The following DHX9 variants were observed in gnomAD, a reference collection of about 807,000 sequenced individuals.
DHX9 encodes the protein ATP-dependent RNA helicase A.
In DHX9, 27 loss-of-function variants were observed where a neutral mutation model predicts 148.7. The ratio of observed to expected loss-of-function variants is 0.18; its 90% CI spans 0.13 to 0.25. The LOEUF (loss-of-function observed/expected upper bound fraction) is 0.25, where lower values mean the gene tolerates loss of function less well. DHX9 is among the 10% of genes least tolerant of loss of function. DHX9 has a pLI of 1.00. For synonymous variants in DHX9, 529 were observed against 516.6 expected, an observed-to-expected ratio of 1.02 and a Z score of -0.33; for missense variants, 796 against 1,559.6, an observed-to-expected ratio of 0.51 and a Z score of 8.25.
intron 1 of DHX9, among the ~76,000 whole-genome samples, chr1:182,841,914 C>G (rs990213240): frequency 2.0e-5 from 3 of 152,138 alleles, no homozygotes; most frequent in Admixed American, 6.5e-5. Flanking sequence ...AGGTTACCGT[C>G]TTCAGTACTG....
intron 12 of DHX9, among the ~76,000 whole-genome samples, chr1:182,864,199 G>A (rs1032560502): frequency 6.6e-6 from 1 of 152,160 alleles, no homozygotes; most frequent in African/African-American, 2.4e-5. Flanking sequence ...CAACCCGCCA[G>A]CCTCAGACTC....
chr1:182,875,984 A>G, intron 16 of DHX9, 66 bp from the exon 17 acceptor site: 4 of 1,260,508 alleles, frequency 3.2e-6, no homozygotes, highest in Non-Finnish European at 4.6e-6. Context: ...CACTAGAAGA[A>G]ATCTAGAAGA....
At position 182,885,520 on chromosome 1, in the gene DHX9, C is replaced by A. The variant is rs566460746; in HGVS notation, c.3461+707C>A. On this transcript the variant is annotated intron_variant, in intron 27 of 27. Transcript: ENST00000367549. Reference sequence around the variant, plus strand: ...GAACATGGCCACAATACCACAATCACACCCCAAAACCTTAAGTGTTTTAGT... The same window carrying A: ...GAACATGGCCACAATACCACAATCAAACCCCAAAACCTTAAGTGTTTTAGT... 7.9e-5 allele frequency among the ~76,000 whole-genome samples: 12 copies of A among 152,328 alleles called. No individual in the cohort carries two copies. The South Asian group carries it at 2.5e-3, about 32-fold the overall frequency.
At chr1:182,840,527 C>T (rs1343841919) in intron 1 of DHX9, among the ~76,000 whole-genome samples, 1 of 151,960 alleles carries the variant, frequency 6.6e-6, no homozygotes, top group Non-Finnish European at 1.5e-5. Flanking sequence ...CTCGATCTCT[C>T]GACCTCGTGA....
intron 14 of DHX9, among the ~76,000 whole-genome samples, chr1:182,870,136 A>G (rs1648497372): frequency 1.3e-5 from 2 of 152,266 alleles, no homozygotes; most frequent in Admixed American, 1.3e-4. Flanking sequence ...AAGAATAAAC[A>G]AAAACATGCA....
At chr1:182,860,613 C>G (rs1668343895) in intron 12 of DHX9, among the ~76,000 whole-genome samples, 1 of 152,196 alleles carries the variant, frequency 6.6e-6, no homozygotes, top group African/African-American at 2.4e-5. Flanking sequence ...CATAATGACC[C>G]TAAGATGTAA....
intron 4 of DHX9, 129 bp from the exon 5 acceptor site, chr1:182,853,177 A>C: frequency 1.6e-6 from 1 of 633,012 alleles, no homozygotes. Flanking sequence ...TACCCACCTC[A>C]GCGTCCGGAA....
At position 182,884,880 on chromosome 1, in the gene DHX9, C is replaced by G. The variant is rs1412791049; in HGVS notation, c.3461+67C>G. On this transcript the variant is annotated intron_variant, in intron 27 of 27. Transcript: ENST00000367549. Reference sequence around the variant, plus strand: ...GAGATCTTATGTAGGCCTAGAATTCCTGAAGTTAGTGATAGAAGCCCTATT... The same window carrying G: ...GAGATCTTATGTAGGCCTAGAATTCGTGAAGTTAGTGATAGAAGCCCTATT... The G allele has an allele frequency of 2.0e-6, 3 of 1,500,524 alleles. No individual in the cohort carries two copies. In the African/African-American group the frequency reaches 4.2e-5, roughly 21 times the overall value. The allele number at this position is 1,500,524 out of a possible 1,614,324, so 93.0% of individuals were successfully genotyped here. A position where few individuals can be genotyped will look rare whatever the true frequency, so the allele number is the denominator to read the frequency against.
chr1:182,851,116 T>C (rs1668136492), intron 3 of DHX9, among the ~76,000 whole-genome samples: 1 of 152,222 alleles, frequency 6.6e-6, no homozygotes. Context: ...GAATAGGTTC[T>C]ACTTTGTCTC....
In DHX9 at chr1:182,853,953, C is replaced by A. The variant is rs186032579; in HGVS notation, c.478-77C>A. 2.4e-3 allele frequency: 3,126 copies of A among 1,323,118 alleles called. 10 individuals carry two copies. The highest frequency in any genetic ancestry group is 2.9e-3 in the Non-Finnish European group (2,767 of 939,034). The allele number at this position is 1,323,118 out of a possible 1,614,324, so 82.0% of individuals were successfully genotyped here. On this transcript the variant is annotated intron_variant, in intron 5 of 27. Transcript: ENST00000367549. ...TGCATTATAAAGGATAGTACAAAGA[C>A]AGTATTAAAAATTTCTGTGCCTTGT...
At chr1:182,861,284 T>C (rs1226020495) in intron 12 of DHX9, among the ~76,000 whole-genome samples, 1 of 152,206 alleles carries the variant, frequency 6.6e-6, no homozygotes, top group Admixed American at 6.5e-5. Flanking sequence ...GACATTTTTC[T>C]GGGAAAGGAT....
intron 24 of DHX9, among the ~76,000 whole-genome samples, chr1:182,882,078 G>A (rs965830872): frequency 1.3e-5 from 2 of 152,202 alleles, no homozygotes; most frequent in African/African-American, 2.4e-5. Flanking sequence ...AAATAAGACT[G>A]TTGAGAGACA....
Position 182,858,809 on chromosome 1 carries a change from A to G in DHX9, c.977A>G (p.Gln326Arg). 1.2e-6 allele frequency: 2 copies of G among 1,614,190 alleles called. No individual in the cohort carries two copies. The highest frequency in any genetic ancestry group is 1.7e-6 in the Non-Finnish European group (2 of 1,180,040). Residue 326 changes from glutamine (Q) to arginine (R), a missense_variant, in exon 10 of 28, where the codon CAA (glutamine) becomes CGA (arginine). Transcript: ENST00000367549. ...AQFEPSQRQN[Q>R]VGVVPWSPPQ... ...TTCGAACCATCTCAGCGACAAAACC[A>G]AGTGGGTGTGGTTCCTTGGTCACCT...
chr1:182,880,747 T>C, intron 22 of DHX9, 139 bp downstream of exon 22: 2 of 610,606 alleles, frequency 3.3e-6, no homozygotes, highest in Non-Finnish European at 5.9e-6. Flanking sequence ...TACCTAGATA[T>C]TGAGAGCAGT....
At chr1:182,879,180 G>A (rs1267412385) in intron 20 of DHX9, 70 bp from the exon 21 acceptor site, 5 of 1,282,700 alleles carry the variant, frequency 3.9e-6, no homozygotes, top group Non-Finnish European at 4.1e-6. Flanking sequence ...TGATTACCTT[G>A]CTGCAAAAAG....
At chr1:182,879,662 A>G (rs572868529) in intron 21 of DHX9, among the ~76,000 whole-genome samples, 3 of 152,324 alleles carry the variant, frequency 2.0e-5, no homozygotes, top group South Asian at 2.1e-4. Flanking sequence ...TCTCTTAACT[A>G]TGTACTAAAG....
rs1668167553 is a variant in DHX9, at chr1:182,852,308, G to A, written c.328G>A (p.Gly110Arg). The A allele has an allele frequency of 1.2e-6, 2 of 1,612,596 alleles. No homozygotes were observed. Among genetic ancestry groups the A allele is most frequent in the Non-Finnish European group, 1.7e-6 (2 of 1,179,478 alleles). Residue 110 changes from glycine (G) to arginine (R), a missense_variant, in exon 4 of 28, where the codon GGA becomes AGA. By Grantham distance (125) the Gly-to-Arg change is moderately radical. This residue lies in a region of DHX9 where 89 missense variants were observed against 77.5 expected (regional missense o/e 1.15). Coordinates refer to ENST00000367549, the MANE Select transcript of DHX9 (RefSeq NM_001357.5). Reference protein sequence around the residue: ...NAEGDLPTTMGGPLPPHLALK... With the variant: ...NAEGDLPTTMRGPLPPHLALK... ...TGAAGGAGATTTACCAACAACCATG[G>A]GAGGACCTCTTCCTCCACATCTGGC... is the stretch of plus-strand genomic sequence containing the variant.
At position 182,879,373 on chromosome 1, in the gene DHX9, T is replaced by A. The variant is rs1310689126; in HGVS notation, c.2475T>A (p.Pro825=). ...TGGCCAAAGCAATTGAACCTCCCCC[T>A]TTGGATGCTGTGATTGAAGCAGAAC... ...QFLAKAIEPP[P]LDAVIEAEHT... The change falls in exon 21 of 28, where the codon CCT becomes CCA. Residue 825 remains proline (P), a synonymous_variant. Coordinates refer to ENST00000367549, the MANE Select transcript of DHX9 (RefSeq NM_001357.5). 1 of 1,528,504 alleles carries A rather than the reference T, an allele frequency of 6.5e-7. No individual in the cohort carries two copies. Among genetic ancestry groups the A allele is most frequent in the Non-Finnish European group, 8.9e-7 (1 of 1,120,264 alleles). 94.7% of individuals were successfully genotyped at this position (1,528,504 alleles called of 1,614,324 possible).
At chr1:182,860,794 C>T (rs988684104) in intron 12 of DHX9, among the ~76,000 whole-genome samples, 1 of 152,184 alleles carries the variant, frequency 6.6e-6, no homozygotes, top group African/African-American at 2.4e-5. Context: ...ATGAGCAGCG[C>T]CTGCATGTTT....
Sources: gnomAD v4.1 joint callset for allele counts (sites outside exome capture counted in the v4.1 genomes callset) on GRCh38, gnomAD v4.1.1 for gene constraint, gnomAD v4.1.1 regional missense constraint, MANE v1.5 for transcripts, NCBI Gene and HGNC (gene_info 2026-07-23, HGNC 2026-07-21) for gene names.